GLIS3: variants seen among roughly 807,000 people sequenced by gnomAD.
The protein encoded by GLIS3 is GLIS family zinc finger 3.
In GLIS3, 53 loss-of-function variants were observed where a neutral mutation model predicts 78.6. The ratio of observed to expected loss-of-function variants is 0.67; its 90% CI spans 0.54 to 0.85. The LOEUF is 0.85. GLIS3 is among the 40% of genes least tolerant of loss of function. GLIS3 has a pLI of 0.00. For synonymous variants in GLIS3, 684 were observed against 509.9 expected (o/e 1.34, Z -4.60); for missense variants, 1,703 against 1,231.1 (o/e 1.38, Z -5.74).
chr9:3,863,523 T>A (rs938099703), intron 8 of GLIS3, among the ~76,000 whole-genome samples: 1 of 152,204 alleles, frequency 6.6e-6, no homozygotes, highest in Non-Finnish European at 1.5e-5. Flanking sequence ...CTGGAAGAGC[T>A]TGTGCTCCCT....
intron 9 of GLIS3, among the ~76,000 whole-genome samples, chr9:3,837,711 C>T (rs962903072): frequency 6.6e-6 from 1 of 152,178 alleles, no homozygotes; most frequent in African/African-American, 2.4e-5. Context: ...AACTATACAA[C>T]ATTCTGGAAA....
the GLIS3 span, among the ~76,000 whole-genome samples, chr9:4,394,840 C>A: frequency 6.6e-6 from 1 of 152,140 alleles, no homozygotes; most frequent in African/African-American, 2.4e-5. Context: ...CAAAACACTG[C>A]CAAATATAGC....
intron 4 of GLIS3, among the ~76,000 whole-genome samples, chr9:3,990,985 C>G (rs1370651580): frequency 6.6e-6 from 1 of 152,120 alleles, no homozygotes; most frequent in African/African-American, 2.4e-5. Flanking sequence ...AGCCAGGAAT[C>G]AGATTGATGT....
chr9:4,370,180 T>C, the GLIS3 span, among the ~76,000 whole-genome samples: 3 of 57,202 alleles, frequency 5.2e-5, no homozygotes, highest in Middle Eastern at 0.011. Flanking sequence ...CAAGACTCCA[T>C]CTCAAAAAAA....
the GLIS3 span, among the ~76,000 whole-genome samples, chr9:4,365,514 C>A: frequency 6.6e-6 from 1 of 151,990 alleles, no homozygotes; most frequent in East Asian, 1.9e-4. Flanking sequence ...CAAGATCATG[C>A]CACTGCACTC....
chr9:3,985,727 G>A (rs1819689604), intron 4 of GLIS3, among the ~76,000 whole-genome samples: 1 of 152,212 alleles, frequency 6.6e-6, no homozygotes, highest in African/African-American at 2.4e-5. Flanking sequence ...TAGCTCATGT[G>A]AGAAATCTAA....
the GLIS3 span, among the ~76,000 whole-genome samples, chr9:4,465,123 A>G: frequency 6.6e-6 from 1 of 152,262 alleles, no homozygotes; most frequent in Non-Finnish European, 1.5e-5. Flanking sequence ...TTCCTCTTAC[A>G]AAATAGTCCT....
At chr9:3,857,951 C>A (rs1819896249) in intron 8 of GLIS3, among the ~76,000 whole-genome samples, 1 of 152,138 alleles carries the variant, frequency 6.6e-6, no homozygotes, top group Admixed American at 6.5e-5. Context: ...AGATCATAGA[C>A]TTTAGGGGCA....
intron 2 of GLIS3, among the ~76,000 whole-genome samples, chr9:4,185,998 AATTTT>A (rs897119423): frequency 1.3e-5 from 2 of 148,210 alleles, no homozygotes; most frequent in African/African-American, 5.2e-5. Flanking sequence ...CTTTTTTTTA[AATTTT>A]ATTTTATTAT....
chr9:3,881,367 G>A (rs1053681400), intron 7 of GLIS3, among the ~76,000 whole-genome samples: 1 of 152,008 alleles, frequency 6.6e-6, no homozygotes, highest in Non-Finnish European at 1.5e-5. Context: ...TTTCCCCAGA[G>A]GTTTTTTTGT....
intron 8 of GLIS3, among the ~76,000 whole-genome samples, chr9:3,865,792 G>A (rs1790318612): frequency 6.6e-6 from 1 of 152,200 alleles, no homozygotes; most frequent in Non-Finnish European, 1.5e-5. Flanking sequence ...GAGGCCAAAT[G>A]ACTTCCTTGG....
chr9:3,922,818 A>G (rs1393197920), intron 6 of GLIS3, among the ~76,000 whole-genome samples: 2 of 152,208 alleles, frequency 1.3e-5, no homozygotes, highest in Admixed American at 6.5e-5. Context: ...GGTAAAAAAG[A>G]GCCTAGAAAT....
intron 7 of GLIS3, among the ~76,000 whole-genome samples, chr9:3,885,550 T>C (rs995447451): frequency 1.3e-5 from 2 of 152,150 alleles, no homozygotes; most frequent in Non-Finnish European, 2.9e-5. Context: ...GGCTGGAACA[T>C]GGGAAGAGGT....
the GLIS3 span, among the ~76,000 whole-genome samples, chr9:4,452,782 C>G: frequency 4.0e-5 from 6 of 151,614 alleles, no homozygotes; most frequent in African/African-American, 1.4e-4. Flanking sequence ...CCCCATCAAG[C>G]TGTTTTCTTT....
intron 2 of GLIS3, 89 bp from the exon 3 acceptor site, chr9:4,126,030 T>A: frequency 1.0e-6 from 1 of 984,066 alleles, no homozygotes; most frequent in Non-Finnish European, 1.6e-6. Flanking sequence ...TCAGGACCCA[T>A]CTTTAGAGAC....
At chr9:3,908,717 T>TTTTG (rs1554644815) in intron 6 of GLIS3, among the ~76,000 whole-genome samples, 1 of 145,034 alleles carries the variant, frequency 6.9e-6, no homozygotes, top group Non-Finnish European at 1.5e-5. Context: ...TTTTTTTTTT[T>TTTTG]TTTTTTTTTT....
At chr9:4,368,597 C>T in the GLIS3 span, among the ~76,000 whole-genome samples, 8 of 152,262 alleles carry the variant, frequency 5.3e-5, no homozygotes, top group Admixed American at 2.0e-4. Context: ...GTGATCCACC[C>T]GCCTCGGCCT....
At chr9:4,433,338 G>A in the GLIS3 span, among the ~76,000 whole-genome samples, 190 of 152,082 alleles carry the variant, frequency 1.2e-3, no homozygotes, top group African/African-American at 4.5e-3. Context: ...AGTCTGAGGT[G>A]GGAGAATCAC....
At chr9:4,033,888 A>C (rs867078965) in intron 4 of GLIS3, among the ~76,000 whole-genome samples, 3 of 150,858 alleles carry the variant, frequency 2.0e-5, no homozygotes, top group African/African-American at 4.9e-5. Flanking sequence ...AAAAAAAAAA[A>C]AACTAGAATG....
Sources: allele counts gnomAD v4.1 joint callset (sites outside exome capture counted in the v4.1 genomes callset), GRCh38; gene constraint gnomAD v4.1.1; transcripts MANE v1.5; gene names NCBI Gene and HGNC (gene_info 2026-07-23, HGNC 2026-07-21).